Variants in LNX1 observed in about 807,000 individuals in gnomAD.
LNX1 encodes ligand of numb-protein X 1.
Under a neutral mutation model 68.4 loss-of-function variants are expected in LNX1, and 54 were observed. That is an observed-to-expected ratio of 0.79 (90% CI 0.63 to 0.99). The LOEUF is 0.99. LNX1 is among the 50% of genes least tolerant of loss of function. LNX1 has a pLI of 0.00. For synonymous variants in LNX1, 336 were observed against 350.0 expected, an observed-to-expected ratio of 0.96 and a Z score of 0.45; for missense variants, 906 against 926.4, an observed-to-expected ratio of 0.98 and a Z score of 0.29.
intron 6 of LNX1, among the ~76,000 whole-genome samples, chr4:53,485,182 A>ATAAG (rs1724202156): frequency 1.3e-5 from 2 of 152,238 alleles, no homozygotes; most frequent in African/African-American, 4.8e-5. Flanking sequence ...TCTCTAAAGC[A>ATAAG]AAACTTACTA....
intron 1 of LNX1, chr4:53,575,601 C>T (rs1363927657): frequency 7.8e-7 from 1 of 1,289,748 alleles, no homozygotes; most frequent in Non-Finnish European, 9.8e-7. Flanking sequence ...ATTAAGAATC[C>T]CACCTTGGGA....
intron 2 of LNX1, among the ~76,000 whole-genome samples, chr4:53,554,672 T>C (rs1376402114): frequency 6.6e-6 from 1 of 152,030 alleles, no homozygotes; most frequent in Non-Finnish European, 1.5e-5. Context: ...GCCAATATGG[T>C]GAAACCCCTT....
intron 2 of LNX1, among the ~76,000 whole-genome samples, chr4:53,610,408 A>G (rs2257185): frequency 0.21 from 32,597 of 152,088 alleles, 3,966 homozygotes; most frequent in Admixed American, 0.3. Context: ...AAAACTATAT[A>G]TGAAAAATTT....
intron 9 of LNX1, among the ~76,000 whole-genome samples, chr4:53,474,911 C>A (rs898550976): frequency 6.6e-6 from 1 of 152,164 alleles, no homozygotes; most frequent in Admixed American, 6.5e-5. Flanking sequence ...GGACTACAGG[C>A]GTGTGCCACC....
chr4:53,619,412 C>T (rs2109857916), upstream of LNX1, among the ~76,000 whole-genome samples: 1 of 152,220 alleles, frequency 6.6e-6, no homozygotes, highest in South Asian at 2.1e-4. Flanking sequence ...GTGAATTTGC[C>T]TATTTTGGAC....
intron 2 of LNX1, 133 bp downstream of exon 2, chr4:53,573,490 T>C: frequency 1.6e-6 from 1 of 628,336 alleles, no homozygotes; most frequent in Non-Finnish European, 2.8e-6. Flanking sequence ...ATCATGACCA[T>C]AAACACCTAG....
intron 2 of LNX1, among the ~76,000 whole-genome samples, chr4:53,606,267 C>T (rs373943523): frequency 6.6e-6 from 1 of 152,120 alleles, no homozygotes; most frequent in East Asian, 1.9e-4. Context: ...ACTGACCCCA[C>T]AGAAATATAA....
intron 1 of LNX1, among the ~76,000 whole-genome samples, chr4:53,587,191 CTGTGG>C (rs1336174653): frequency 6.6e-6 from 1 of 152,212 alleles, no homozygotes; most frequent in Non-Finnish European, 1.5e-5. Flanking sequence ...AAATAGGTCA[CTGTGG>C]TGTCCTCATG....
At chr4:53,534,161 G>T (rs879519938) in intron 2 of LNX1, among the ~76,000 whole-genome samples, 1 of 152,216 alleles carries the variant, frequency 6.6e-6, no homozygotes, top group Non-Finnish European at 1.5e-5. Context: ...GGAGAAGGGG[G>T]CAGGGCAGGC....
At chr4:53,490,580 G>A (rs1472098902) in intron 6 of LNX1, among the ~76,000 whole-genome samples, 2 of 152,148 alleles carry the variant, frequency 1.3e-5, no homozygotes, top group African/African-American at 4.8e-5. Flanking sequence ...AATGGTTGTG[G>A]CCTCTCTGTA....
At chr4:53,644,451 A>G (rs1400734366) in intron 1 of LNX1, among the ~76,000 whole-genome samples, 4 of 152,150 alleles carry the variant, frequency 2.6e-5, no homozygotes, top group African/African-American at 9.7e-5. Flanking sequence ...CCAAAACAAG[A>G]AATAAATGTA....
Position 53,459,881 on chromosome 4 carries a change from TA to T in LNX1, c.*1025del, listed in dbSNP as rs1721492502. ...TGAGATTAAAACTAGTCTTTATCAT[TA>T]CTGCTGTGACACTCTTGCTTAGTAT... On this transcript the variant is annotated 3_prime_UTR_variant, in exon 11 of 11. Transcript: ENST00000263925. The T allele has an allele frequency of 4.3e-6, 1 of 234,100 alleles. No individual in the cohort carries two copies. Among genetic ancestry groups the T allele is most frequent in the Non-Finnish European group, 8.4e-6 (1 of 118,714 alleles). 14.5% of individuals were successfully genotyped at this position (234,100 alleles called of 1,614,324 possible).
intron 2 of LNX1, among the ~76,000 whole-genome samples, chr4:53,599,425 C>G (rs1560688797): frequency 6.6e-6 from 1 of 152,150 alleles, no homozygotes; most frequent in Non-Finnish European, 1.5e-5. Flanking sequence ...AAGGGGAGGC[C>G]TGAATAATCC....
At chr4:53,520,637 T>C (rs2109572789) in intron 2 of LNX1, among the ~76,000 whole-genome samples, 1 of 152,302 alleles carries the variant, frequency 6.6e-6, no homozygotes, top group East Asian at 1.9e-4. Flanking sequence ...GGTTAACTTT[T>C]GGTCCCTGCA....
chr4:53,497,210 T>G (rs1397709530), intron 5 of LNX1, among the ~76,000 whole-genome samples: 2 of 152,202 alleles, frequency 1.3e-5, no homozygotes, highest in Non-Finnish European at 2.9e-5. Flanking sequence ...TGGGGCTTTC[T>G]GGTTTTAATT....
At chr4:53,540,809 G>C (rs1305956527) in intron 2 of LNX1, among the ~76,000 whole-genome samples, 1 of 152,188 alleles carries the variant, frequency 6.6e-6, no homozygotes, top group Non-Finnish European at 1.5e-5. Flanking sequence ...TTTGTCTTTA[G>C]TAAAATAAGG....
chr4:53,460,041 G>T lies in LNX1; in HGVS notation c.*866C>A. On this transcript the variant is annotated 3_prime_UTR_variant, in exon 11 of 11. Transcript: ENST00000263925. ...AATAAAACCTATAAGGCATCTGGGTGGCCTCTATGAAATAAATTAATTAAT... is the reference window on the plus strand; with the variant it reads ...AATAAAACCTATAAGGCATCTGGGTTGCCTCTATGAAATAAATTAATTAAT... The T allele has an allele frequency of 6.9e-6, 1 of 144,074 alleles. No homozygotes were observed. Among genetic ancestry groups the T allele is most frequent in the Non-Finnish European group, 1.4e-5 (1 of 73,542 alleles). The allele number at this position is 144,074 out of a possible 1,614,324, so 8.9% of individuals were successfully genotyped here.
chr4:53,498,506 T>C (rs2292578), intron 5 of LNX1, 135 bp downstream of exon 5: 83,875 of 663,064 alleles, frequency 0.13, 5,753 homozygotes, highest in East Asian at 0.17. Context: ...CAGAGAGTCA[T>C]AAAATGATAG....
chr4:53,522,748 A>T (rs1727321449), intron 2 of LNX1, among the ~76,000 whole-genome samples: 1 of 152,190 alleles, frequency 6.6e-6, no homozygotes, highest in Non-Finnish European at 1.5e-5. Context: ...GAATATGGAA[A>T]ATAAAGAAAA....
Sources: gnomAD v4.1 joint callset for allele counts (sites outside exome capture counted in the v4.1 genomes callset) on GRCh38, gnomAD v4.1.1 for gene constraint, MANE v1.5 for transcripts, NCBI Gene and HGNC (gene_info 2026-07-23, HGNC 2026-07-21) for gene names.